Variants in PKD1 observed in about 807,000 individuals in gnomAD.
PKD1 encodes the protein polycystin 1, transient receptor potential channel interacting, also known as polycystin-1.
Under a neutral mutation model 361.7 loss-of-function variants are expected in PKD1, and 81 were observed. That is an observed-to-expected ratio of 0.22 (90% CI 0.19 to 0.27). PKD1 has a LOEUF of 0.27. Among genes scored for constraint, PKD1 ranks in the 10% least tolerant of loss-of-function variants. The probability of loss-of-function intolerance (pLI) is 1.00; values close to 1 mark genes in which losing one functional copy is unlikely to be tolerated. For synonymous variants in PKD1, 3,615 were observed against 2,818.3 expected (o/e 1.28, Z -8.95); for missense variants, 6,399 against 6,118.3 (o/e 1.05, Z -1.53).
intron 15 of PKD1, 42 bp downstream of exon 15, chr16:2,108,210 G>A: frequency 2.6e-6 from 4 of 1,559,876 alleles, no homozygotes; most frequent in Non-Finnish European, 3.5e-6. Context: ...CATGGGTGTG[G>A]ACGGGTGAGG....
intron 20 of PKD1, 98 bp from the exon 21 acceptor site, chr16:2,105,572 G>A (rs1231195153): frequency 1.4e-5 from 22 of 1,593,702 alleles, no homozygotes; most frequent in Middle Eastern, 4.5e-4. Flanking sequence ...TTACGTGCTA[G>A]ACGCTGTGTG....
In PKD1 at chr16:2,108,239, G is replaced by C. The variant is rs756852890; in HGVS notation, c.6915+13C>G. ...GGTGAGGGGCATGGAGGACGGCCCT[G>C]CCACGCACTGACCTGTGTCGAAGCC... On this transcript the variant is annotated intron_variant, in intron 15 of 45. Transcript: ENST00000262304. 2.5e-6 allele frequency: 4 copies of C among 1,591,566 alleles called. No homozygotes were observed. Among genetic ancestry groups the C allele is most frequent in the Admixed American group, 1.7e-5 (1 of 59,430 alleles).
intron 30 of PKD1, 102 bp downstream of exon 30, chr16:2,099,542 G>A (rs1023432119): frequency 2.4e-5 from 25 of 1,055,624 alleles, no homozygotes; most frequent in East Asian, 2.1e-4. Flanking sequence ...TTTGGTGGAC[G>A]CCTTTCCCTC....
Position 2,115,645 on chromosome 16 carries a change from T to A in PKD1, c.1850-20A>T, listed in dbSNP as rs367560828. 36 of 1,595,098 alleles carry A rather than the reference T, an allele frequency of 2.3e-5. No individual in the cohort carries two copies. The highest frequency in any genetic ancestry group is 3.0e-5 in the Non-Finnish European group (35 of 1,175,518). ...GGGTCCCTGTGAGGAGGGGAGGGTG[T>A]TGGGGCCCTGATTTGCCCACAGGCC... is the stretch of plus-strand genomic sequence containing the variant. On this transcript the variant is annotated intron_variant, in intron 9 of 45. Coordinates refer to ENST00000262304, the MANE Select transcript of PKD1 (RefSeq NM_001009944.3).
chr16:2,095,760 G>A (rs1596495182), intron 34 of PKD1, among the ~76,000 whole-genome samples: 1 of 152,354 alleles, frequency 6.6e-6, no homozygotes, highest in East Asian at 1.9e-4. Context: ...GAAGCCGGGA[G>A]GGTGAGGGCC....
intron 34 of PKD1, among the ~76,000 whole-genome samples, chr16:2,096,364 G>A (rs887735963): frequency 1.2e-4 from 18 of 152,374 alleles, no homozygotes; most frequent in African/African-American, 4.3e-4. Context: ...AGCATAGGAG[G>A]GCATGGCAGA....
At position 2,135,887 on chromosome 16, in the gene PKD1, G is replaced by C; in HGVS notation, c.-198C>G. The C allele has an allele frequency of 4.8e-6, 1 of 206,700 alleles. No individual in the cohort carries two copies. Among genetic ancestry groups the C allele is most frequent in the Non-Finnish European group, 8.4e-6 (1 of 119,222 alleles). 12.8% of individuals were successfully genotyped at this position (206,700 alleles called of 1,614,324 possible). A position where few individuals can be genotyped will look rare whatever the true frequency, so the allele number is the denominator to read the frequency against. ...AGCTCGGCCGCCCGCTCGGACGCTG[G>C]CGCTGCAGTGCGGGCCCCGCCGCGG... is the stretch of plus-strand genomic sequence containing the variant. On this transcript the variant is annotated 5_prime_UTR_variant, in exon 1 of 46. Coordinates refer to ENST00000262304, the MANE Select transcript of PKD1 (RefSeq NM_001009944.3).
In PKD1 at chr16:2,110,622, G is replaced by A. The variant is rs755083696; in HGVS notation, c.4545C>T (p.His1515=). 64 of 1,610,126 alleles carry A rather than the reference G, an allele frequency of 4.0e-5. No individual in the cohort carries two copies. Among genetic ancestry groups the A allele is most frequent in the South Asian group, 3.4e-4 (31 of 90,986 alleles). The change falls in exon 15 of 46, where the codon CAC becomes CAT. Residue 1515 remains histidine, a synonymous_variant. Coordinates refer to ENST00000262304, the MANE Select transcript of PKD1 (RefSeq NM_001009944.3). ...TGAAGTCACCTGTGCTGTTGTAAGC[G>A]TGGGTGACCTCCGGACCCTCGAGCC... ...GGWLEGPEVT[H]AYNSTGDFTV...
intron 34 of PKD1, 117 bp from the exon 35 acceptor site, chr16:2,094,327 ACAAAAAGCCGGAAGACCCTACCC>A: frequency 1.4e-6 from 1 of 727,316 alleles, no homozygotes; most frequent in Admixed American, 2.0e-5. Context: ...GGTCCCCCCG[ACAAAAAGCCGGAAGACCCTACCC>A]CAAACGAGAG....
chr16:2,096,508 G>T (rs1396260760), intron 34 of PKD1, among the ~76,000 whole-genome samples: 1 of 152,016 alleles, frequency 6.6e-6, no homozygotes, highest in Non-Finnish European at 1.5e-5. Context: ...AAACAACCAA[G>T]AAATTGAGGA....
At chr16:2,131,235 C>G (rs543123400) in intron 1 of PKD1, among the ~76,000 whole-genome samples, 1 of 152,156 alleles carries the variant, frequency 6.6e-6, no homozygotes, top group Non-Finnish European at 1.5e-5. Context: ...ATTTAAAAGA[C>G]AGGCGGTGGC....
intron 1 of PKD1, among the ~76,000 whole-genome samples, chr16:2,124,642 G>A (rs565707355): frequency 2.4e-4 from 37 of 152,294 alleles, no homozygotes; most frequent in South Asian, 4.1e-4. Context: ...TGCCCCAGGC[G>A]CCCACTCCCC....
chr16:2,093,326 C>A, intron 37 of PKD1: 1 of 677,120 alleles, frequency 1.5e-6, no homozygotes, highest in East Asian at 2.7e-5. Context: ...CCTTCAGGGC[C>A]AGGCAGGAGT....
intron 12 of PKD1, 75 bp downstream of exon 12, chr16:2,113,086 G>C: frequency 1.8e-6 from 2 of 1,126,698 alleles, no homozygotes; most frequent in East Asian, 2.5e-5. Flanking sequence ...CAGAGCAGAA[G>C]GCAGAGGTGA....
Position 2,102,914 on chromosome 16 carries a change from G to A in PKD1, c.8848C>T (p.Pro2950Ser), listed in dbSNP as rs1330985810. The change falls in exon 24 of 46, where the codon CCC becomes TCC. Residue 2950 changes from proline (P) to serine (S), a missense_variant. Transcript: ENST00000262304. ...GAGCAGTTGTGCTCATTGGGCCGGG[G>A]CTCCGAGTGTAGGTAGACTGCCAGG... The part of the protein sequence containing the change: ...PYLAVYLHSE[P>S]RPNEHNCSAS... 6 of 1,609,402 alleles carry A rather than the reference G, an allele frequency of 3.7e-6. 1 individual carries two copies. The South Asian group carries it at 5.5e-5, about 15-fold the overall frequency.
At position 2,088,898 on chromosome 16, in the gene PKD1, C is replaced by T. The variant is rs994676166; in HGVS notation, c.*829G>A. ...GCGCGCGCGCACACACACACACACA[C>T]AGTCACCTTCCTCCACCCTGGGAGC... is the stretch of plus-strand genomic sequence containing the variant. On this transcript the variant is annotated 3_prime_UTR_variant, in exon 46 of 46. Coordinates refer to ENST00000262304, the MANE Select transcript of PKD1 (RefSeq NM_001009944.3). The T allele has an allele frequency of 9.3e-6, 4 of 431,474 alleles. No individual in the cohort carries two copies. Among genetic ancestry groups the T allele is most frequent in the Non-Finnish European group, 1.7e-5 (4 of 235,006 alleles). The allele number at this position is 431,474 out of a possible 1,614,324, so 26.7% of individuals were successfully genotyped here. A position where few individuals can be genotyped will look rare whatever the true frequency, so the allele number is the denominator to read the frequency against.
intron 1 of PKD1, among the ~76,000 whole-genome samples, chr16:2,129,541 ATTT>A (rs71148122): frequency 1.1e-3 from 76 of 72,080 alleles, no homozygotes; most frequent in African/African-American, 5.0e-3. Flanking sequence ...AGATCCTGTG[ATTT>A]TTTTTTTTTT....
chr16:2,128,504 C>T (rs1220524741), intron 1 of PKD1, among the ~76,000 whole-genome samples: 2 of 152,052 alleles, frequency 1.3e-5, no homozygotes, highest in East Asian at 1.9e-4. Context: ...GCACCCTGTG[C>T]GGCTGCAGGG....
At chr16:2,124,438 G>C (rs1007188379) in intron 1 of PKD1, among the ~76,000 whole-genome samples, 1 of 152,252 alleles carries the variant, frequency 6.6e-6, no homozygotes, top group Non-Finnish European at 1.5e-5. Flanking sequence ...GGCAGGGCCG[G>C]GAAGTCTTGG....
Sources: gnomAD v4.1 joint callset for allele counts (sites outside exome capture counted in the v4.1 genomes callset) on GRCh38, gnomAD v4.1.1 for gene constraint, MANE v1.5 for transcripts, NCBI Gene and HGNC (gene_info 2026-07-23, HGNC 2026-07-21) for gene names.